TMEM117: variants seen among roughly 807,000 people sequenced by gnomAD.
TMEM117 encodes transmembrane protein 117.
In TMEM117, 27 loss-of-function variants were observed where a neutral mutation model predicts 52.4. That is an observed-to-expected ratio of 0.51 (90% CI 0.38 to 0.71). The LOEUF is 0.71. TMEM117 is among the 30% of genes least tolerant of loss of function. The pLI is 0.00. For synonymous variants in TMEM117, 215 were observed against 206.3 expected (o/e 1.04, Z -0.36); for missense variants, 556 against 630.5 (o/e 0.88, Z 1.26).
chr12:43,943,158 C>T (rs979497102), intron 2 of TMEM117, among the ~76,000 whole-genome samples: 2 of 100,234 alleles, frequency 2.0e-5, no homozygotes, highest in African/African-American at 7.8e-5. Flanking sequence ...AGCCCAGCAA[C>T]AGAGCAAGAC....
intron 2 of TMEM117, among the ~76,000 whole-genome samples, chr12:43,929,509 T>A (rs1409343506): frequency 6.6e-6 from 1 of 152,142 alleles, no homozygotes; most frequent in Non-Finnish European, 1.5e-5. Context: ...AAATTCCACA[T>A]CTTTAACAGC....
chr12:44,376,671 A>G lies in TMEM117; in HGVS notation c.845A>G (p.Lys282Arg). Residue 282 changes from lysine to arginine, a missense_variant, in exon 7 of 8, where the codon AAG becomes AGG. Transcript: ENST00000266534. ...PGLHTPHMQF[K>R]IPFFQKIFKE... ...TTGCACACCCCTCACATGCAGTTCA[A>G]GATTCCTTTCTTCCAGAAAATCTTC... 6.2e-7 allele frequency: 1 copy of G among 1,612,234 alleles called. No homozygotes were observed.
intron 3 of TMEM117, among the ~76,000 whole-genome samples, chr12:44,043,585 G>C (rs1473385434): frequency 6.6e-6 from 1 of 152,106 alleles, no homozygotes; most frequent in Non-Finnish European, 1.5e-5. Flanking sequence ...GATAAACCTT[G>C]CACTGCCTGA....
chr12:44,398,081 GTT>G, the TMEM117 span, among the ~76,000 whole-genome samples: 3 of 139,388 alleles, frequency 2.2e-5, no homozygotes, highest in Admixed American at 7.1e-5. Context: ...GTGGGTGGTT[GTT>G]TTTTTTTTTT....
At chr12:43,940,686 C>T (rs1465993491) in intron 2 of TMEM117, among the ~76,000 whole-genome samples, 4 of 152,026 alleles carry the variant, frequency 2.6e-5, no homozygotes, top group Admixed American at 6.6e-5. Flanking sequence ...GGATTACAGG[C>T]GTGCACCACC....
At chr12:44,165,539 C>T (rs1167579870) in intron 4 of TMEM117, among the ~76,000 whole-genome samples, 2 of 152,120 alleles carry the variant, frequency 1.3e-5, no homozygotes, top group African/African-American at 2.4e-5. Flanking sequence ...GAAAAAGATA[C>T]TCCACACAAA....
intron 5 of TMEM117, among the ~76,000 whole-genome samples, chr12:44,217,158 CAG>C (rs1949729277): frequency 6.6e-6 from 1 of 152,016 alleles, no homozygotes; most frequent in Admixed American, 6.6e-5. Context: ...ACCTAAGAAT[CAG>C]GGGAAATGTC....
intron 5 of TMEM117, among the ~76,000 whole-genome samples, chr12:44,217,742 G>T (rs1949736326): frequency 6.6e-6 from 1 of 152,112 alleles, no homozygotes. Context: ...AAACCAAAGA[G>T]GAACCAATGT....
chr12:43,814,817 T>C, the TMEM117 span, among the ~76,000 whole-genome samples: 1 of 148,608 alleles, frequency 6.7e-6, no homozygotes, highest in Non-Finnish European at 1.5e-5. Context: ...CTATCTTGGC[T>C]CACTGCAACC....
intron 3 of TMEM117, among the ~76,000 whole-genome samples, chr12:43,980,914 C>G (rs1945750152): frequency 6.6e-6 from 1 of 152,162 alleles, no homozygotes; most frequent in Admixed American, 6.5e-5. Flanking sequence ...ATTGTTGACT[C>G]CCTGAGTAGA....
chr12:44,330,973 A>C (rs1002541952), intron 6 of TMEM117, among the ~76,000 whole-genome samples: 1 of 152,076 alleles, frequency 6.6e-6, no homozygotes, highest in African/African-American at 2.4e-5. Flanking sequence ...TTTCAGCTAA[A>C]CTATAAGTTT....
intron 3 of TMEM117, among the ~76,000 whole-genome samples, chr12:43,958,848 C>G (rs1262145563): frequency 6.6e-6 from 1 of 151,922 alleles, no homozygotes; most frequent in East Asian, 1.9e-4. Flanking sequence ...ACTCTGTCGC[C>G]CTGGCTGGAG....
chr12:43,955,502 A>G (rs895176289), intron 3 of TMEM117, among the ~76,000 whole-genome samples: 8 of 152,200 alleles, frequency 5.3e-5, no homozygotes, highest in Non-Finnish European at 1.0e-4. Flanking sequence ...TCTACTGCAG[A>G]CAAGCAGAAA....
At chr12:43,895,920 G>A (rs1202974830) in intron 2 of TMEM117, among the ~76,000 whole-genome samples, 1 of 151,956 alleles carries the variant, frequency 6.6e-6, no homozygotes, top group Non-Finnish European at 1.5e-5. Context: ...GCTGATGAAG[G>A]CTGTAAGACT....
At chr12:43,923,794 A>G (rs961464960) in intron 2 of TMEM117, among the ~76,000 whole-genome samples, 19 of 152,266 alleles carry the variant, frequency 1.2e-4, no homozygotes, top group African/African-American at 3.8e-4. Flanking sequence ...TGGAAATGGA[A>G]AGTATTGAGT....
At chr12:44,311,225 T>C (rs937702101) in intron 6 of TMEM117, among the ~76,000 whole-genome samples, 3 of 152,112 alleles carry the variant, frequency 2.0e-5, no homozygotes, top group African/African-American at 7.2e-5. Context: ...AAAACGATAT[T>C]TATATCTGAG....
At chr12:44,025,560 G>T (rs990141093) in intron 3 of TMEM117, among the ~76,000 whole-genome samples, 1 of 152,108 alleles carries the variant, frequency 6.6e-6, no homozygotes, top group African/African-American at 2.4e-5. Flanking sequence ...TGTATTGATT[G>T]GTGTTGAAAG....
chr12:43,882,633 T>C (rs1400180158), intron 2 of TMEM117, among the ~76,000 whole-genome samples: 1 of 152,172 alleles, frequency 6.6e-6, no homozygotes, highest in Non-Finnish European at 1.5e-5. Context: ...AAGAGTTTGC[T>C]CTTCTCTAAG....
At chr12:44,311,920 T>C (rs1184321761) in intron 6 of TMEM117, among the ~76,000 whole-genome samples, 1 of 147,476 alleles carries the variant, frequency 6.8e-6, no homozygotes, top group Non-Finnish European at 1.5e-5. Context: ...TGTGTATATA[T>C]ATATATATAT....
Sources: allele counts gnomAD v4.1 joint callset (sites outside exome capture counted in the v4.1 genomes callset), GRCh38; gene constraint gnomAD v4.1.1; transcripts MANE v1.5; gene names NCBI Gene and HGNC (gene_info 2026-07-23, HGNC 2026-07-21).